Variants in NOVA2 observed in about 807,000 individuals in gnomAD.
NOVA2 encodes RNA-binding protein Nova-2.
In NOVA2, 9 loss-of-function variants were observed where a neutral mutation model predicts 22.5. The ratio of observed to expected loss-of-function variants is 0.40; its 90% CI spans 0.24 to 0.70. The LOEUF (loss-of-function observed/expected upper bound fraction) is 0.70. Ranked by LOEUF, NOVA2 falls within the 30% of genes least tolerant of loss-of-function variation. NOVA2 has a pLI of 0.38. For synonymous variants in NOVA2, 318 were observed against 335.2 expected, an observed-to-expected ratio of 0.95 and a Z score of 0.56; for missense variants, 383 against 682.8, an observed-to-expected ratio of 0.56 and a Z score of 4.89.
intron 1 of NOVA2, among the ~76,000 whole-genome samples, chr19:45,964,348 T>TTGTGTGTG (rs57818599): frequency 7.3e-4 from 87 of 119,568 alleles, no homozygotes; most frequent in East Asian, 1.5e-3. Flanking sequence ...CCCGGCTAAT[T>TTGTGTGTG]TGTGTGTGTG....
At chr19:45,947,592 G>T (rs916878426) in intron 3 of NOVA2, among the ~76,000 whole-genome samples, 2 of 151,660 alleles carry the variant, frequency 1.3e-5, no homozygotes, top group African/African-American at 4.9e-5. Flanking sequence ...TCCTGCCTCA[G>T]CCTCCCGAGT....
chr19:45,948,351 G>C (rs538602379), intron 3 of NOVA2, among the ~76,000 whole-genome samples: 198 of 152,260 alleles, frequency 1.3e-3, no homozygotes, highest in Non-Finnish European at 2.5e-3. Context: ...TGTAATCCCA[G>C]AACTTTGGGA....
Position 45,936,315 on chromosome 19 carries a change from G to C in NOVA2, c.*3548C>G, listed in dbSNP as rs1237953631. On this transcript the variant is annotated 3_prime_UTR_variant, in exon 4 of 4. Coordinates refer to ENST00000263257, the MANE Select transcript of NOVA2 (RefSeq NM_002516.4). ...GATTCTCCTTGGCTGGTGGAATTTG[G>C]GGGGACCCAAAAGGATAGGGGTAAG... The C allele has an allele frequency of 1.3e-5, 2 of 152,128 alleles. No homozygotes were observed. Among genetic ancestry groups the C allele is most frequent in the African/African-American group, 2.4e-5 (1 of 41,418 alleles). The allele number at this position is 152,128 out of a possible 1,614,324, so 9.4% of individuals were successfully genotyped here.
intron 2 of NOVA2, among the ~76,000 whole-genome samples, chr19:45,956,001 G>A (rs965122305): frequency 6.6e-6 from 1 of 152,202 alleles, no homozygotes; most frequent in African/African-American, 2.4e-5. Flanking sequence ...CTGGTGACAC[G>A]ACCCTGACTC....
chr19:45,966,592 A>T (rs910494505), intron 1 of NOVA2, among the ~76,000 whole-genome samples: 1 of 152,140 alleles, frequency 6.6e-6, no homozygotes. Context: ...TAAAGAAGAA[A>T]TTAGGCCGGG....
chr19:45,953,832 A>G lies in NOVA2; in HGVS notation c.344T>C (p.Val115Ala). 1.9e-6 allele frequency: 3 copies of G among 1,614,086 alleles called. No homozygotes were observed. Among genetic ancestry groups the G allele is most frequent in the Non-Finnish European group, 2.5e-6 (3 of 1,180,018 alleles). Reference protein sequence around the residue: ...EIPQAMTKPEVVNILQPQTTM... With the variant: ...EIPQAMTKPEAVNILQPQTTM... ...GGTTTGGGGTTGAAGGATGTTGACC[A>G]CCTCAGGCTTGGTCATCGCTTGTGG... Residue 115 changes from valine (V) to alanine (A), a missense_variant, in exon 3 of 4, where the codon GTG becomes GCG. Around this residue, in one of 2 missense-constraint regions of NOVA2, gnomAD observed 349 missense variants for 578.1 expected, o/e 0.60. Transcript: ENST00000263257.
chr19:45,972,656 G>A (rs1421490880), intron 1 of NOVA2, among the ~76,000 whole-genome samples: 1 of 151,912 alleles, frequency 6.6e-6, no homozygotes, highest in Admixed American at 6.6e-5. Flanking sequence ...CATCCAGGCT[G>A]TAGAGGGCAC....
rs1348933703 is a variant in NOVA2, at chr19:45,937,229, G to A, written c.*2634C>T. ...ACACTTTTCAGGAGGCCCAGCCTCC[G>A]GAGATGTGTCTGTGTGAGAGGAGTC... On this transcript the variant is annotated 3_prime_UTR_variant, in exon 4 of 4. Coordinates refer to ENST00000263257, the MANE Select transcript of NOVA2 (RefSeq NM_002516.4). 2 of 152,186 alleles carry A rather than the reference G, an allele frequency of 1.3e-5. No homozygotes were observed. The highest frequency in any genetic ancestry group is 2.1e-4 in the South Asian group (1 of 4,832). 9.4% of individuals were successfully genotyped at this position (152,186 alleles called of 1,614,324 possible). A position where few individuals can be genotyped will look rare whatever the true frequency, so the allele number is the denominator to read the frequency against.
intron 1 of NOVA2, 69 bp downstream of exon 1, chr19:45,973,198 G>T (rs889851479): frequency 1.1e-5 from 9 of 792,436 alleles, no homozygotes; most frequent in African/African-American, 1.1e-4. Flanking sequence ...CCACGGGAGG[G>T]GGGGAAAGGA....
intron 1 of NOVA2, among the ~76,000 whole-genome samples, chr19:45,966,469 T>A (rs1337745103): frequency 6.6e-6 from 1 of 150,634 alleles, no homozygotes; most frequent in African/African-American, 2.4e-5. Flanking sequence ...GGTTTCACCA[T>A]GTTGCCCAGG....
chr19:45,958,407 G>A (rs569294829), intron 2 of NOVA2, among the ~76,000 whole-genome samples: 1 of 151,658 alleles, frequency 6.6e-6, no homozygotes, highest in Non-Finnish European at 1.5e-5. Flanking sequence ...GTGTGTGAGT[G>A]GGGTGTGTGT....
intron 1 of NOVA2, among the ~76,000 whole-genome samples, chr19:45,964,647 A>G (rs1437207510): frequency 6.8e-6 from 1 of 146,812 alleles, no homozygotes; most frequent in East Asian, 2.0e-4. Flanking sequence ...TGCTGCCTCG[A>G]CCTCCTGGGC....
intron 3 of NOVA2, among the ~76,000 whole-genome samples, chr19:45,949,306 A>G (rs540149753): frequency 1.1e-3 from 153 of 143,038 alleles, no homozygotes; most frequent in African/African-American, 3.9e-3. Flanking sequence ...TTATAGCTCA[A>G]CAGAGCTGTT....
intron 1 of NOVA2, among the ~76,000 whole-genome samples, chr19:45,970,833 CCT>C (rs1214824271): frequency 2.1e-4 from 32 of 152,130 alleles, no homozygotes; most frequent in Non-Finnish European, 7.4e-5. Context: ...CAGCCCTGCC[CCT>C]GAGTGTGTTT....
chr19:45,946,579 G>A lies in NOVA2; in HGVS notation c.397-5634C>T, dbSNP rs1389352652. 2.0e-5 allele frequency among the ~76,000 whole-genome samples: 3 copies of A among 151,928 alleles called. No individual in the cohort carries two copies. The South Asian group carries it at 6.2e-4, about 32-fold the overall frequency. On this transcript the variant is annotated intron_variant, in intron 3 of 3. Transcript: ENST00000263257. ...ACATGTTAAAGTACTTAGGAGTAAA[G>A]AGTCATGAGGTCAGCCAGGCACGGT...
In NOVA2 at chr19:45,940,949, C is replaced by A. The variant is rs754374131; in HGVS notation, c.397-4G>T. On this transcript the variant is annotated splice_polypyrimidine_tract_variant and splice_region_variant and intron_variant, in intron 3 of 3. Transcript: ENST00000263257. ...TGTTGGGGACGATCAGCTTGGCCTG[C>A]GTGGGGAGCAAAAGGGAGGGTCTTT... The A allele has an allele frequency of 6.3e-7, 1 of 1,597,308 alleles. No homozygotes were observed. Among genetic ancestry groups the A allele is most frequent in the African/African-American group, 1.3e-5 (1 of 74,592 alleles).
intron 2 of NOVA2, among the ~76,000 whole-genome samples, chr19:45,955,018 T>C (rs772288005): frequency 4.0e-4 from 61 of 152,106 alleles, no homozygotes; most frequent in Admixed American, 1.4e-3. Context: ...TGCCCTTGTG[T>C]GTGGGACAGA....
chr19:45,947,457 G>A (rs780299581), intron 3 of NOVA2, among the ~76,000 whole-genome samples: 4 of 146,276 alleles, frequency 2.7e-5, no homozygotes, highest in Non-Finnish European at 6.0e-5. Flanking sequence ...TTTGTAAAAT[G>A]TGAAGCACCC....
chr19:45,943,452 G>A (rs1046616663), intron 3 of NOVA2, among the ~76,000 whole-genome samples: 9 of 151,256 alleles, frequency 6.0e-5, no homozygotes, highest in Non-Finnish European at 1.3e-4. Flanking sequence ...GGTGGCTCAC[G>A]CCTGTAATCC....
Sources: allele counts gnomAD v4.1 joint callset (sites outside exome capture counted in the v4.1 genomes callset), GRCh38; gene constraint gnomAD v4.1.1; regional missense constraint gnomAD v4.1.1; transcripts MANE v1.5; gene names NCBI Gene and HGNC (gene_info 2026-07-23, HGNC 2026-07-21).